The following OSBPL1A variants were observed in gnomAD, a reference collection of about 807,000 sequenced individuals.
The protein encoded by OSBPL1A is oxysterol-binding protein-related protein 1.
In OSBPL1A, 80 loss-of-function variants were observed where a neutral mutation model predicts 137.1. That is an observed-to-expected ratio of 0.58 (90% confidence interval 0.49 to 0.70). OSBPL1A has a LOEUF of 0.70. Among genes scored for constraint, OSBPL1A ranks in the 30% least tolerant of loss-of-function variants. OSBPL1A has a pLI of 0.00. For synonymous variants in OSBPL1A, 365 were observed against 389.7 expected, an observed-to-expected ratio of 0.94 and a Z score of 0.75; for missense variants, 970 against 1,129.4, an observed-to-expected ratio of 0.86 and a Z score of 2.02.
chr18:24,341,333 A>G (rs2091270073), intron 5 of OSBPL1A, among the ~76,000 whole-genome samples: 5 of 152,194 alleles, frequency 3.3e-5, no homozygotes, highest in African/African-American at 1.2e-4. Flanking sequence ...AAAACTTGCC[A>G]TAATTTTGTA....
chr18:24,366,685 TAC>T (rs2091706845), intron 4 of OSBPL1A: 2 of 413,208 alleles, frequency 4.8e-6, no homozygotes, highest in Non-Finnish European at 4.3e-6. Context: ...ACAGGGATGC[TAC>T]AGAGTGGGGG....
At chr18:24,267,046 G>C (rs2089596039) in intron 15 of OSBPL1A, among the ~76,000 whole-genome samples, 1 of 151,388 alleles carries the variant, frequency 6.6e-6, no homozygotes, top group Non-Finnish European at 1.5e-5. Flanking sequence ...GGGAGGGACT[G>C]AGATTCATTT....
At chr18:24,343,522 T>C (rs2091301852) in intron 4 of OSBPL1A, among the ~76,000 whole-genome samples, 1 of 151,966 alleles carries the variant, frequency 6.6e-6, no homozygotes, top group Non-Finnish European at 1.5e-5. Flanking sequence ...GCCAAAATAA[T>C]ATTTAAAAGA....
chr18:24,375,960 C>T (rs192342421), intron 2 of OSBPL1A, among the ~76,000 whole-genome samples: 10 of 152,142 alleles, frequency 6.6e-5, no homozygotes, highest in East Asian at 1.9e-4. Flanking sequence ...TTGTTCCTCC[C>T]GGTGGGCTCG....
intron 15 of OSBPL1A, among the ~76,000 whole-genome samples, chr18:24,266,973 T>C (rs1226659130): frequency 6.6e-6 from 1 of 151,736 alleles, no homozygotes; most frequent in Admixed American, 6.6e-5. Context: ...AAAGATGCAA[T>C]AGATAAGAAA....
intron 14 of OSBPL1A, among the ~76,000 whole-genome samples, chr18:24,296,616 T>A (rs2090296691): frequency 6.6e-6 from 1 of 152,220 alleles, no homozygotes; most frequent in Admixed American, 6.5e-5. Context: ...TTTTTCCCTA[T>A]TCAGTATGAT....
chr18:24,279,261 A>AT (rs1274231988), intron 15 of OSBPL1A, among the ~76,000 whole-genome samples: 1 of 151,134 alleles, frequency 6.6e-6, no homozygotes, highest in Non-Finnish European at 1.5e-5. Flanking sequence ...AAAAAAAAAA[A>AT]AAAAAAAAAA....
Position 24,303,679 on chromosome 18 carries a change from A to G in OSBPL1A, c.1132T>C (p.Ser378Pro). ...TCCTTAATCATTTTGAGAAAGTTGG[A>G]AATTTCCCTATCTAGTCGCTGTTGG... ...SCQQRLDREISNFLKMIKECD... is the reference protein window; with the variant it reads ...SCQQRLDREIPNFLKMIKECD... Residue 378 changes from serine to proline, a missense_variant, in exon 14 of 28, where the codon TCC becomes CCC. By Grantham distance (74) the Ser-to-Pro change is moderately conservative (BLOSUM62 -1). Around this residue, in one of 2 missense-constraint regions of OSBPL1A, gnomAD observed 647 missense variants for 672.6 expected, o/e 0.96. Transcript: ENST00000319481. The G allele has an allele frequency of 6.2e-7, 1 of 1,613,682 alleles. No homozygotes were observed. Among genetic ancestry groups the G allele is most frequent in the Non-Finnish European group, 8.5e-7 (1 of 1,179,772 alleles).
chr18:24,191,940 T>C (rs2086901008), intron 18 of OSBPL1A, among the ~76,000 whole-genome samples: 1 of 152,234 alleles, frequency 6.6e-6, no homozygotes, highest in Non-Finnish European at 1.5e-5. Flanking sequence ...TGCTCATGTA[T>C]TTATTTAACA....
At chr18:24,204,069 C>T (rs1017008092) in intron 17 of OSBPL1A, among the ~76,000 whole-genome samples, 12 of 152,156 alleles carry the variant, frequency 7.9e-5, no homozygotes, top group African/African-American at 2.9e-4. Flanking sequence ...GTTAAAACTG[C>T]TGGGTCAAGG....
intron 27 of OSBPL1A, among the ~76,000 whole-genome samples, chr18:24,164,859 C>G (rs2086108668): frequency 6.6e-6 from 1 of 152,220 alleles, no homozygotes; most frequent in African/African-American, 2.4e-5. Flanking sequence ...TTCACAATAA[C>G]AAAGATACGG....
At chr18:24,286,328 T>A (rs953588732) in intron 14 of OSBPL1A, among the ~76,000 whole-genome samples, 2 of 151,782 alleles carry the variant, frequency 1.3e-5, no homozygotes, top group African/African-American at 2.4e-5. Context: ...TCAAAAGAGG[T>A]CATGCTGAAA....
At chr18:24,214,651 G>A (rs2145972667) in intron 17 of OSBPL1A, among the ~76,000 whole-genome samples, 1 of 152,322 alleles carries the variant, frequency 6.6e-6, no homozygotes, top group East Asian at 1.9e-4. Flanking sequence ...GATAAAAATT[G>A]TTGATCGTTG....
rs371076300 is a variant in OSBPL1A at position 24,284,629 on chromosome 18, A to T, written c.1175-3681T>A. On this transcript the variant is annotated intron_variant, in intron 14 of 27. Transcript: ENST00000319481. ...ACAACCTCCACTGTTATCCTAGTGT[A>T]AAAAAAAAAAAGTCCACATTTCCTT... 5.7e-4 allele frequency among the ~76,000 whole-genome samples: 3 copies of T among 5,302 alleles called. No homozygotes were observed. In the Non-Finnish European group the frequency reaches 6.9e-3, roughly 12 times the overall value. 3.5% of individuals were successfully genotyped at this position (5,302 alleles called of 152,430 possible).
chr18:24,361,965 C>T (rs910629471), intron 4 of OSBPL1A, among the ~76,000 whole-genome samples: 3 of 146,902 alleles, frequency 2.0e-5, no homozygotes, highest in African/African-American at 5.1e-5. Context: ...CCACTGCACT[C>T]CAGCCTGGGT....
intron 4 of OSBPL1A, among the ~76,000 whole-genome samples, chr18:24,359,109 T>C (rs574365003): frequency 6.6e-6 from 1 of 151,746 alleles, no homozygotes; most frequent in Admixed American, 6.6e-5. Context: ...TCCTAATTCC[T>C]GGGGAGGCTA....
intron 7 of OSBPL1A, among the ~76,000 whole-genome samples, chr18:24,319,683 A>AAAC (rs2090806404): frequency 1.3e-5 from 2 of 152,002 alleles, no homozygotes; most frequent in African/African-American, 4.8e-5. Context: ...AAAAGGTAAA[A>AAAC]AAACAAACAA....
chr18:24,331,397 CTTTTT>C (rs1211637974), intron 7 of OSBPL1A, among the ~76,000 whole-genome samples: 1 of 140,448 alleles, frequency 7.1e-6, no homozygotes, highest in Non-Finnish European at 1.6e-5. Context: ...GCATGTTCCT[CTTTTT>C]TTTTTTTTTT....
intron 7 of OSBPL1A, among the ~76,000 whole-genome samples, chr18:24,322,954 G>A (rs1276581183): frequency 1.3e-5 from 2 of 152,256 alleles, no homozygotes; most frequent in African/African-American, 4.8e-5. Flanking sequence ...ATATTTAAAA[G>A]TTTGCATGAC....
Sources: gnomAD v4.1 joint callset for allele counts (sites outside exome capture counted in the v4.1 genomes callset) on GRCh38, gnomAD v4.1.1 for gene constraint, gnomAD v4.1.1 regional missense constraint, MANE v1.5 for transcripts, NCBI Gene and HGNC (gene_info 2026-07-23, HGNC 2026-07-21) for gene names.